The following SCD5 variants were observed in gnomAD, a reference collection of about 807,000 sequenced individuals.
The protein encoded by SCD5 is acyl-CoA-desaturase 4.
A neutral mutation model predicts 30.4 loss-of-function variants in SCD5; 20 were observed. That is an observed-to-expected ratio of 0.66 (90% CI 0.46 to 0.96). The LOEUF (loss-of-function observed/expected upper bound fraction) is 0.96. Ranked by LOEUF, SCD5 falls within the 40% of genes least tolerant of loss-of-function variation. The probability of loss-of-function intolerance (pLI) is 0.00; values close to 1 mark genes in which losing one functional copy is unlikely to be tolerated. For missense variants in SCD5, 381 were observed against 443.3 expected, an observed-to-expected ratio of 0.86 and a Z score of 1.26; for synonymous variants, 173 against 176.4, an observed-to-expected ratio of 0.98 and a Z score of 0.16.
chr4:82,794,203 G>A (rs1317165243), intron 1 of SCD5, among the ~76,000 whole-genome samples: 1 of 152,178 alleles, frequency 6.6e-6, no homozygotes, highest in African/African-American at 2.4e-5. Context: ...ACCAGAGAAC[G>A]CTATATCTGC....
chr4:82,703,517 C>G (rs1417306779), intron 2 of SCD5, among the ~76,000 whole-genome samples: 1 of 152,220 alleles, frequency 6.6e-6, no homozygotes, highest in South Asian at 2.1e-4. Flanking sequence ...AGGCTCACAT[C>G]TAGCAAATGG....
At position 82,636,651 on chromosome 4, in the gene SCD5, G is replaced by A. The variant is rs770103071; in HGVS notation, c.742C>T (p.Arg248Trp). 5.0e-6 allele frequency: 8 copies of A among 1,614,188 alleles called. No homozygotes were observed. Among genetic ancestry groups the A allele is most frequent in the East Asian group, 2.2e-5 (1 of 44,882 alleles). ...VNSAAHMYGN[R>W]PYDKHISPRQ... ...GGGCTGATGTGCTTGTCATAGGGCCGGTTTCCATACATGTGGGCGGCGCTG... is the reference window on the plus strand; with the variant it reads ...GGGCTGATGTGCTTGTCATAGGGCCAGTTTCCATACATGTGGGCGGCGCTG... The change falls in exon 4 of 5, where the codon CGG becomes TGG. Residue 248 changes from arginine to tryptophan, a missense_variant. Arg to Trp is a moderately radical substitution (Grantham distance 101). Coordinates refer to ENST00000319540, the MANE Select transcript of SCD5 (RefSeq NM_001037582.3).
intron 1 of SCD5, among the ~76,000 whole-genome samples, chr4:82,774,276 G>A (rs1480909144): frequency 1.3e-5 from 2 of 151,340 alleles, no homozygotes; most frequent in Admixed American, 6.6e-5. Context: ...ACATCTAAAC[G>A]TTGGAATACG....
At chr4:82,659,766 A>G (rs1344000824) in intron 3 of SCD5, 3 of 152,122 alleles carry the variant, frequency 2.0e-5, no homozygotes, top group Non-Finnish European at 2.9e-5. Flanking sequence ...CAATTTTAGA[A>G]TAAGTGTGAT....
chr4:82,748,054 T>C (rs1721029995), intron 1 of SCD5, among the ~76,000 whole-genome samples: 1 of 152,232 alleles, frequency 6.6e-6, no homozygotes, highest in Non-Finnish European at 1.5e-5. Flanking sequence ...AAAGCTTTTG[T>C]TCATGTTGCT....
intron 1 of SCD5, among the ~76,000 whole-genome samples, chr4:82,726,432 AAAAC>A (rs1453585160): frequency 6.6e-6 from 1 of 151,804 alleles, no homozygotes; most frequent in Non-Finnish European, 1.5e-5. Context: ...AAAAAAAAAA[AAAAC>A]AATTACCTTG....
Position 82,660,788 on chromosome 4 carries a change from C to T in SCD5, c.569+19919G>A, listed in dbSNP as rs560914267. ...CTGCAGCTCTGTCTATGCTTCACAC[C>T]GTTAAAAAAGGCCTGGGTGTGGAGT... On this transcript the variant is annotated intron_variant, in intron 3 of 4. Coordinates refer to ENST00000319540, the MANE Select transcript of SCD5 (RefSeq NM_001037582.3). The T allele has an allele frequency of 6.3e-5, 100 of 1,596,948 alleles. 3 individuals carry two copies. In the African/African-American group the frequency reaches 8.3e-4, roughly 13 times the overall value.
intron 2 of SCD5, among the ~76,000 whole-genome samples, chr4:82,683,165 A>G (rs1164688780): frequency 6.6e-6 from 1 of 152,216 alleles, no homozygotes; most frequent in Non-Finnish European, 1.5e-5. Context: ...ATGTATATCA[A>G]AAATTATAGC....
intron 3 of SCD5, among the ~76,000 whole-genome samples, chr4:82,649,180 GGTGTGTGTGTGTGTGTGTGT>G (rs55991339): frequency 3.5e-5 from 5 of 144,002 alleles, no homozygotes; most frequent in African/African-American, 1.3e-4. Flanking sequence ...GGGTGAGAGG[GGTGTGTGTGTGTGTGTGTGT>G]GTGTGTGTGT....
intron 1 of SCD5, among the ~76,000 whole-genome samples, chr4:82,737,956 T>TAA (rs35386827): frequency 0.15 from 22,269 of 147,198 alleles, 2,881 homozygotes; most frequent in African/African-American, 0.36. Context: ...TCTAATTAGC[T>TAA]AAAAAAAAAA....
At chr4:82,638,044 G>T (rs942250898) in intron 3 of SCD5, among the ~76,000 whole-genome samples, 1 of 152,000 alleles carries the variant, frequency 6.6e-6, no homozygotes, top group Non-Finnish European at 1.5e-5. Context: ...CCCTTCCTGT[G>T]TCCGTGTGTT....
At chr4:82,796,623 A>G (rs1293193032) in intron 1 of SCD5, among the ~76,000 whole-genome samples, 1 of 152,132 alleles carries the variant, frequency 6.6e-6, no homozygotes, top group Non-Finnish European at 1.5e-5. Context: ...ATGTAAGATA[A>G]TATTTTAAGT....
intron 1 of SCD5, among the ~76,000 whole-genome samples, chr4:82,772,917 A>C (rs781272637): frequency 2.6e-5 from 4 of 152,168 alleles, no homozygotes; most frequent in Non-Finnish European, 5.9e-5. Context: ...TGAATGAATG[A>C]TTGTGATGCA....
intron 3 of SCD5, chr4:82,660,940 C>T (rs773510795): frequency 6.2e-7 from 1 of 1,614,190 alleles, no homozygotes; most frequent in Admixed American, 1.7e-5. Flanking sequence ...GGAGTGGTTA[C>T]AATGAGTATG....
intron 3 of SCD5, among the ~76,000 whole-genome samples, chr4:82,644,908 A>T (rs1293484967): frequency 6.6e-6 from 1 of 152,232 alleles, no homozygotes; most frequent in African/African-American, 2.4e-5. Context: ...TTTAAGATTA[A>T]CAACCACTCT....
intron 2 of SCD5, among the ~76,000 whole-genome samples, chr4:82,688,035 C>T (rs1340469847): frequency 3.3e-5 from 5 of 152,322 alleles, no homozygotes; most frequent in Non-Finnish European, 7.3e-5. Context: ...TAGCTGGAAA[C>T]AGTTGCTTGC....
chr4:82,679,061 TG>T (rs1728495000), intron 3 of SCD5, among the ~76,000 whole-genome samples: 1 of 149,788 alleles, frequency 6.7e-6, no homozygotes, highest in Admixed American at 6.7e-5. Flanking sequence ...TAGCCGGGCG[TG>T]GTGGTGCATG....
chr4:82,780,836 G>A (rs552986396), intron 1 of SCD5, among the ~76,000 whole-genome samples: 3 of 152,366 alleles, frequency 2.0e-5, no homozygotes, highest in South Asian at 2.1e-4. Context: ...CAGCCTGGAC[G>A]GCTGCTTCTC....
At chr4:82,741,398 A>T (rs1192672969) in intron 1 of SCD5, among the ~76,000 whole-genome samples, 1 of 152,120 alleles carries the variant, frequency 6.6e-6, no homozygotes, top group Non-Finnish European at 1.5e-5. Context: ...CTGAAAGGAA[A>T]CCATTGTCAC....
Sources: allele counts gnomAD v4.1 joint callset (sites outside exome capture counted in the v4.1 genomes callset), GRCh38; gene constraint gnomAD v4.1.1; transcripts MANE v1.5; gene names NCBI Gene and HGNC (gene_info 2026-07-23, HGNC 2026-07-21).